The following CDH13 variants were observed in gnomAD, a reference collection of about 807,000 sequenced individuals.
The protein encoded by CDH13 is cadherin-13.
A neutral mutation model predicts 63.8 loss-of-function variants in CDH13; 24 were observed. The observed-to-expected ratio is 0.38, with a 90% CI of 0.27 to 0.53. The LOEUF (loss-of-function observed/expected upper bound fraction) is 0.53, where lower values mean the gene tolerates loss of function less well. Ranked by LOEUF, CDH13 falls within the 20% of genes least tolerant of loss-of-function variation. The probability of loss-of-function intolerance (pLI) is 0.85; values close to 1 mark genes in which losing one functional copy is unlikely to be tolerated. For synonymous variants in CDH13, 503 were observed against 355.3 expected (o/e 1.42, Z -4.67); for missense variants, 1,049 against 903.1 (o/e 1.16, Z -2.07).
intron 1 of CDH13, among the ~76,000 whole-genome samples, chr16:82,784,544 C>A (rs2035913308): frequency 6.6e-6 from 1 of 152,212 alleles, no homozygotes; most frequent in Non-Finnish European, 1.5e-5. Context: ...GAGGATACAG[C>A]TGTCCACAGA....
chr16:83,565,383 C>CTTTTTTTTTTTTTTTTTTT (rs369127310), intron 7 of CDH13, among the ~76,000 whole-genome samples: 5 of 130,610 alleles, frequency 3.8e-5, no homozygotes, highest in South Asian at 2.4e-4. Context: ...TTCCACTGTT[C>CTTTTTTTTTTTTTTTTTTT]TTTTTTTTTT....
intron 7 of CDH13, among the ~76,000 whole-genome samples, chr16:83,541,979 T>C (rs1472628816): frequency 6.6e-5 from 10 of 152,222 alleles, no homozygotes; most frequent in Non-Finnish European, 8.8e-5. Flanking sequence ...AGTCAATAAA[T>C]ACTAGCTATT....
chr16:83,768,786 T>G (rs1218647518), intron 11 of CDH13, among the ~76,000 whole-genome samples: 1 of 152,082 alleles, frequency 6.6e-6, no homozygotes, highest in African/African-American at 2.4e-5. Context: ...GCAATGAGGA[T>G]GACCAGAGGT....
intron 8 of CDH13, among the ~76,000 whole-genome samples, chr16:83,661,156 G>C (rs965779672): frequency 1.3e-5 from 2 of 151,822 alleles, no homozygotes; most frequent in African/African-American, 4.8e-5. Context: ...TTATTTGAAG[G>C]AAAATGTTTG....
At chr16:83,309,442 C>G (rs1187394125) in intron 5 of CDH13, among the ~76,000 whole-genome samples, 2 of 152,064 alleles carry the variant, frequency 1.3e-5, no homozygotes, top group African/African-American at 4.8e-5. Flanking sequence ...GTGGCATGAT[C>G]TCGGCTCACT....
chr16:83,381,775 G>A (rs1597878697), intron 6 of CDH13, among the ~76,000 whole-genome samples: 1 of 151,634 alleles, frequency 6.6e-6, no homozygotes, highest in Non-Finnish European at 1.5e-5. Context: ...ACTAGATCCA[G>A]GGTATTTTTC....
intron 2 of CDH13, among the ~76,000 whole-genome samples, chr16:83,014,774 A>ATATG (rs1394588994): frequency 2.8e-5 from 1 of 36,314 alleles, no homozygotes; most frequent in Non-Finnish European, 5.6e-5. Context: ...ATATATATAT[A>ATATG]TGTATATATA....
chr16:83,429,283 C>T (rs1237241988), intron 6 of CDH13, among the ~76,000 whole-genome samples: 1 of 152,138 alleles, frequency 6.6e-6, no homozygotes, highest in Non-Finnish European at 1.5e-5. Flanking sequence ...CAGAGCAGGA[C>T]ACTCTTTGAC....
chr16:83,652,921 G>A (rs1421248594), intron 8 of CDH13, among the ~76,000 whole-genome samples: 1 of 152,166 alleles, frequency 6.6e-6, no homozygotes, highest in South Asian at 2.1e-4. Flanking sequence ...ACTGATAAAT[G>A]GAGAAACAAA....
At chr16:83,676,242 G>T (rs918946128) in intron 9 of CDH13, among the ~76,000 whole-genome samples, 1 of 152,170 alleles carries the variant, frequency 6.6e-6, no homozygotes, top group African/African-American at 2.4e-5. Context: ...CTATCCTCCT[G>T]CTTGTGCATA....
chr16:83,440,106 C>G (rs1055203461), intron 6 of CDH13, among the ~76,000 whole-genome samples: 1 of 151,988 alleles, frequency 6.6e-6, no homozygotes, highest in African/African-American at 2.4e-5. Context: ...TTGCTTGGTC[C>G]CAGTAAGGAT....
Position 83,720,090 on chromosome 16 carries a change from C to T in CDH13, c.1539-28018C>T, listed in dbSNP as rs1326616504. Among the ~76,000 whole-genome samples the T allele has an allele frequency of 3.3e-5, 5 of 152,166 alleles. No individual in the cohort carries two copies. The South Asian group carries it at 8.3e-4, about 25-fold the overall frequency. ...CTAAATGAGAAGGGAACAGGGTAGG[C>T]ACCAAATGGTTGCTGCTGCCGAATT... On this transcript the variant is annotated intron_variant, in intron 10 of 13. Coordinates refer to ENST00000567109, the MANE Select transcript of CDH13 (RefSeq NM_001257.5).
intron 7 of CDH13, among the ~76,000 whole-genome samples, chr16:83,513,981 C>G (rs1242983746): frequency 1.3e-5 from 2 of 151,920 alleles, no homozygotes; most frequent in Non-Finnish European, 2.9e-5. Flanking sequence ...TAGAGACTGT[C>G]TTGTATGTTA....
chr16:82,804,381 A>G (rs2037041330), intron 1 of CDH13, among the ~76,000 whole-genome samples: 1 of 152,022 alleles, frequency 6.6e-6, no homozygotes. Context: ...TACTACCTTG[A>G]TTGTGGTGAT....
intron 10 of CDH13, among the ~76,000 whole-genome samples, chr16:83,707,731 G>C (rs1046446716): frequency 6.7e-6 from 1 of 149,604 alleles, no homozygotes; most frequent in African/African-American, 2.5e-5. Context: ...AAGTCATTGA[G>C]TGAACAAATA....
Position 83,368,902 on chromosome 16 carries a change from A to T in CDH13, c.781+23896A>T, listed in dbSNP as rs1182713038. Among the ~76,000 whole-genome samples, 14 of 58,100 alleles carry T rather than the reference A, an allele frequency of 2.4e-4. 1 individual carries two copies. The highest frequency in any genetic ancestry group is 2.8e-4 in the Non-Finnish European group (9 of 31,764). The allele number at this position is 58,100 out of a possible 152,430, so 38.1% of individuals were successfully genotyped here. On this transcript the variant is annotated intron_variant, in intron 6 of 13. Transcript: ENST00000567109. ...TTCCATGTTATATATATATATATATATATATATATATATATATATATATAT... is the reference window on the plus strand; with the variant it reads ...TTCCATGTTATATATATATATATATTTATATATATATATATATATATATAT...
At chr16:83,274,489 C>T (rs763662821) in intron 5 of CDH13, among the ~76,000 whole-genome samples, 1 of 152,194 alleles carries the variant, frequency 6.6e-6, no homozygotes, top group Admixed American at 6.5e-5. Context: ...AAAGCACTTA[C>T]CACAGTTTGA....
Position 83,139,882 on chromosome 16 carries a change from A to G in CDH13, c.483+14381A>G, listed in dbSNP as rs905127510. ...TTAGGCATGGTGGTGCATGCCTGTA[A>G]GCCCAGCTACTCTGGAGGCTGAGGC... On this transcript the variant is annotated intron_variant, in intron 4 of 13. Transcript: ENST00000567109. Among the ~76,000 whole-genome samples, 5 of 152,072 alleles carry G rather than the reference A, an allele frequency of 3.3e-5. 1 individual carries two copies. Among genetic ancestry groups the G allele is most frequent in the African/African-American group, 1.2e-4 (5 of 41,414 alleles).
chr16:83,344,726 C>T (rs374364689), intron 5 of CDH13, 136 bp from the exon 6 acceptor site: 18 of 810,786 alleles, frequency 2.2e-5, no homozygotes, highest in African/African-American at 2.1e-4. Context: ...CAGTGACTAT[C>T]CTCTGAGACC....
Sources: gnomAD v4.1 joint callset for allele counts (sites outside exome capture counted in the v4.1 genomes callset) on GRCh38, gnomAD v4.1.1 for gene constraint, MANE v1.5 for transcripts, NCBI Gene and HGNC (gene_info 2026-07-23, HGNC 2026-07-21) for gene names.